CREBRF: variants seen among roughly 807,000 people sequenced by gnomAD.
The protein encoded by CREBRF is UPF0474 protein C5orf41.
CREBRF carries 5 observed loss-of-function variants against 66.1 expected under a neutral mutation model. That is an observed-to-expected ratio of 0.08 (90% confidence interval 0.04 to 0.16). The LOEUF (loss-of-function observed/expected upper bound fraction) is 0.16. CREBRF is among the 10% of genes least tolerant of loss of function. The pLI, the probability that CREBRF is intolerant of heterozygous loss-of-function variation, is 1.00. For missense variants in CREBRF, 531 were observed against 744.9 expected, an observed-to-expected ratio of 0.71 and a Z score of 3.34; for synonymous variants, 229 against 264.4, an observed-to-expected ratio of 0.87 and a Z score of 1.30.
chr5:173,063,341 T>C (rs1006155914), intron 1 of CREBRF, among the ~76,000 whole-genome samples: 2 of 152,194 alleles, frequency 1.3e-5, no homozygotes, highest in South Asian at 2.1e-4. Context: ...GAATTTCCTA[T>C]GAAAGCCTCA....
At position 173,091,014 on chromosome 5, in the gene CREBRF, A is replaced by G. The variant is rs773825054; in HGVS notation, c.835A>G (p.Met279Val). The change falls in exon 4 of 9, where the codon ATG becomes GTG. Residue 279 changes from methionine (M) to valine (V), a missense_variant. Met to Val is a conservative substitution (Grantham distance 21, BLOSUM62 1). Transcript: ENST00000296953. Reference sequence around the variant, plus strand: ...GGCAAAGAGACAAGAGAAAAAAGGGATGGAGCCTCTTCAAGGTCATGCCAC... The same window carrying G: ...GGCAAAGAGACAAGAGAAAAAAGGGGTGGAGCCTCTTCAAGGTCATGCCAC... Reference protein sequence around the residue: ...AVAKRQEKKGMEPLQGHATPA... With the variant: ...AVAKRQEKKGVEPLQGHATPA... 6.2e-7 allele frequency: 1 copy of G among 1,614,196 alleles called. No individual in the cohort carries two copies. Among genetic ancestry groups the G allele is most frequent in the Admixed American group, 1.7e-5 (1 of 60,020 alleles).
intron 2 of CREBRF, among the ~76,000 whole-genome samples, chr5:173,084,547 G>A (rs72816112): frequency 0.093 from 14,220 of 152,230 alleles, 789 homozygotes; most frequent in South Asian, 0.16. Context: ...GGGGGAAGGG[G>A]GGACCATACC....
chr5:173,091,071 C>T lies in CREBRF; in HGVS notation c.892C>T (p.Leu298=). 4 of 1,614,188 alleles carry T rather than the reference C, an allele frequency of 2.5e-6. No individual in the cohort carries two copies. The highest frequency in any genetic ancestry group is 3.4e-6 in the Non-Finnish European group (4 of 1,180,038). The change falls in exon 4 of 9, where the codon CTA becomes TTA. Residue 298 remains leucine, a synonymous_variant. Transcript: ENST00000296953. ...PALPFKETQE[L]LLSPLPQEGP... Reference sequence around the variant, plus strand: ...TTTGCCTTTTAAAGAAACCCAGGAACTATTACTAAGTCCCCTGCCCCAGGA... The same window carrying T: ...TTTGCCTTTTAAAGAAACCCAGGAATTATTACTAAGTCCCCTGCCCCAGGA...
intron 1 of CREBRF, among the ~76,000 whole-genome samples, chr5:173,057,850 A>G (rs1196513286): frequency 6.7e-6 from 1 of 148,232 alleles, no homozygotes; most frequent in African/African-American, 2.5e-5. Flanking sequence ...CCTTTTAAAG[A>G]TTAGGCCCCG....
chr5:173,092,308 T>C (rs1758365297), intron 4 of CREBRF: 1 of 981,156 alleles, frequency 1.0e-6, no homozygotes, highest in Admixed American at 6.2e-5. Context: ...GAAAAATACA[T>C]GCTGTAATTT....
rs185925179 is a variant in CREBRF at position 173,067,986 on chromosome 5, C to T, written c.-192+11507C>T. 1.8e-3 allele frequency: 575 copies of T among 311,362 alleles called. 2 individuals carry two copies. The highest frequency in any genetic ancestry group is 0.012 in the African/African-American group (512 of 44,304). 19.3% of individuals were successfully genotyped at this position (311,362 alleles called of 1,614,324 possible). On this transcript the variant is annotated intron_variant, in intron 1 of 8. Transcript: ENST00000296953. The stretch of plus-strand genomic sequence containing the variant: ...CTGCACTCCAGCCTGGGCGACAGAG[C>T]GAGACTCCACCTCAAAAAAAAAAAA...
chr5:173,080,651 G>T lies in CREBRF; in HGVS notation c.-125G>T. 1 of 929,428 alleles carries T rather than the reference G, an allele frequency of 1.1e-6. No individual in the cohort carries two copies. Among genetic ancestry groups the T allele is most frequent in the South Asian group, 1.5e-5 (1 of 67,980 alleles). 57.6% of individuals were successfully genotyped at this position (929,428 alleles called of 1,614,324 possible). ...AAGCAATTGAATTGGAAGCACTCTG[G>T]GGAAACCTGCTGTTTATTGTGGAAA... On this transcript the variant is annotated 5_prime_UTR_variant, in exon 2 of 9. Transcript: ENST00000296953.
At chr5:173,100,118 G>GCGTGTGTGTATATA (rs1758585423) in intron 4 of CREBRF, among the ~76,000 whole-genome samples, 1 of 88,332 alleles carries the variant, frequency 1.1e-5, no homozygotes, top group African/African-American at 4.9e-5. Context: ...GTGTGTGTGT[G>GCGTGTGTGTATATA]TATATATATA....
rs113386003 is a variant in CREBRF at position 173,069,291 on chromosome 5, A to G, written c.-191-11294A>G. 5.4e-3 allele frequency among the ~76,000 whole-genome samples: 829 copies of G among 152,208 alleles called. 8 individuals are homozygous for G. The highest frequency in any genetic ancestry group is 0.019 in the African/African-American group (783 of 41,554). On this transcript the variant is annotated intron_variant, in intron 1 of 8. Coordinates refer to ENST00000296953, the MANE Select transcript of CREBRF (RefSeq NM_153607.3). Reference sequence around the variant, plus strand: ...AATAATGGGGAATTCTTGCATTTATACATAAAGTAAGGCAGATGAGAGTCT... The same window carrying G: ...AATAATGGGGAATTCTTGCATTTATGCATAAAGTAAGGCAGATGAGAGTCT...
intron 1 of CREBRF, among the ~76,000 whole-genome samples, chr5:173,058,732 C>A (rs367847632): frequency 6.6e-6 from 1 of 150,816 alleles, no homozygotes; most frequent in Non-Finnish European, 1.5e-5. Context: ...TGATCCGCCC[C>A]CCTCGGCCTC....
chr5:173,089,162 G>A (rs1245358492), intron 3 of CREBRF, among the ~76,000 whole-genome samples: 2 of 140,830 alleles, frequency 1.4e-5, no homozygotes, highest in African/African-American at 5.3e-5. Context: ...GGGTGACAGA[G>A]TGAGACTCCA....
At chr5:173,123,344 T>C (rs1367334344) in intron 8 of CREBRF, 142 bp downstream of exon 8, 6 of 692,648 alleles carry the variant, frequency 8.7e-6, no homozygotes, top group Non-Finnish European at 1.4e-5. Flanking sequence ...AGTAGTTTTA[T>C]CTTTTGAGAT....
intron 1 of CREBRF, among the ~76,000 whole-genome samples, chr5:173,077,800 A>G (rs1310910586): frequency 6.6e-6 from 1 of 152,158 alleles, no homozygotes; most frequent in East Asian, 1.9e-4. Flanking sequence ...TGTTCTAAGC[A>G]CCTCATAAAG....
At chr5:173,110,016 A>C in intron 5 of CREBRF, 1 of 196,604 alleles carries the variant, frequency 5.1e-6, no homozygotes, top group Non-Finnish European at 1.1e-5. Context: ...GCAACAAAAG[A>C]AGAGCTTTTA....
rs762300405 is a variant in CREBRF, at chr5:173,112,391, G to A, written c.1681+12G>A. ...CAACACAGAATATGGTAAACCTAAA[G>A]TTTTAAGAAGTTGATTAACCACCTA... On this transcript the variant is annotated intron_variant, in intron 7 of 8. Transcript: ENST00000296953. 2.0e-6 allele frequency: 3 copies of A among 1,522,206 alleles called. No homozygotes were observed. The South Asian group carries it at 3.7e-5, about 19-fold the overall frequency. 94.3% of individuals were successfully genotyped at this position (1,522,206 alleles called of 1,614,324 possible). A position where few individuals can be genotyped will look rare whatever the true frequency, so the allele number is the denominator to read the frequency against.
At chr5:173,114,995 C>G (rs1183088658) in intron 7 of CREBRF, among the ~76,000 whole-genome samples, 3 of 152,182 alleles carry the variant, frequency 2.0e-5, no homozygotes, top group African/African-American at 7.2e-5. Context: ...GAGCCCTTTC[C>G]CTTTTCTCTC....
chr5:173,108,771 G>C lies in CREBRF; in HGVS notation c.1370G>C (p.Arg457Pro). 1 of 1,613,698 alleles carries C rather than the reference G, an allele frequency of 6.2e-7. No homozygotes were observed. Among genetic ancestry groups the C allele is most frequent in the Non-Finnish European group, 8.5e-7 (1 of 1,179,892 alleles). Residue 457 changes from arginine (R) to proline (P), a missense_variant, in exon 5 of 9, where the codon CGA becomes CCA. Around this residue, in one of 5 missense-constraint regions of CREBRF, gnomAD observed 309 missense variants for 341.4 expected, o/e 0.90. Transcript: ENST00000296953. ...ERMLRPSEWNRDTLPSNMYQK... is the reference protein window; with the variant it reads ...ERMLRPSEWNPDTLPSNMYQK... ...ATGCTGAGACCATCTGAGTGGAACC[G>C]AGATACTTTGCCAAGTAATATGTAT...
Position 173,133,892 on chromosome 5 carries a change from AAGCAT to A in CREBRF, c.*148_*152del. On this transcript the variant is annotated 3_prime_UTR_variant, in exon 9 of 9. Coordinates refer to ENST00000296953, the MANE Select transcript of CREBRF (RefSeq NM_153607.3). ...TTTTAAGAACTAAGTAGCATAAGTG[AAGCAT>A]GATCCAAAATACTTGATTATTGCAT... 2.0e-6 allele frequency: 1 copy of A among 490,068 alleles called. No individual in the cohort carries two copies. The highest frequency in any genetic ancestry group is 3.7e-6 in the Non-Finnish European group (1 of 272,926). The allele number at this position is 490,068 out of a possible 1,614,324, so 30.4% of individuals were successfully genotyped here. A position where few individuals can be genotyped will look rare whatever the true frequency, so the allele number is the denominator to read the frequency against.
intron 1 of CREBRF, among the ~76,000 whole-genome samples, chr5:173,079,003 A>G (rs1422338097): frequency 1.3e-5 from 2 of 152,112 alleles, no homozygotes; most frequent in African/African-American, 2.4e-5. Context: ...CTTCTTTCTC[A>G]TAGGAATCAG....
Sources: gnomAD v4.1 joint callset for allele counts (sites outside exome capture counted in the v4.1 genomes callset) on GRCh38, gnomAD v4.1.1 for gene constraint, gnomAD v4.1.1 regional missense constraint, MANE v1.5 for transcripts, NCBI Gene and HGNC (gene_info 2026-07-23, HGNC 2026-07-21) for gene names.